MCC: variants seen among roughly 807,000 people sequenced by gnomAD.
MCC encodes the protein MCC regulator of Wnt signaling pathway.
In MCC, 90 loss-of-function variants were observed where a neutral mutation model predicts 116.2. The ratio of observed to expected loss-of-function variants is 0.77; its 90% CI spans 0.65 to 0.92. The LOEUF (loss-of-function observed/expected upper bound fraction) is 0.92. Among genes scored for constraint, MCC ranks in the 40% least tolerant of loss-of-function variants. The probability of loss-of-function intolerance (pLI) is 0.00; values close to 1 mark genes in which losing one functional copy is unlikely to be tolerated. For missense variants in MCC, 1,516 were observed against 1,312.2 expected, an observed-to-expected ratio of 1.16 and a Z score of -2.40; for synonymous variants, 578 against 510.5, an observed-to-expected ratio of 1.13 and a Z score of -1.78.
chr5:113,199,242 C>A (rs1762572956), intron 3 of MCC, among the ~76,000 whole-genome samples: 1 of 151,448 alleles, frequency 6.6e-6, no homozygotes, highest in Non-Finnish European at 1.5e-5. Flanking sequence ...AAGTGTGAAC[C>A]AAGGACCATG....
intron 1 of MCC, among the ~76,000 whole-genome samples, chr5:113,456,160 C>T (rs943681562): frequency 6.6e-6 from 1 of 152,158 alleles, no homozygotes; most frequent in Non-Finnish European, 1.5e-5. Context: ...AGGCACACCA[C>T]CTCAGGACAG....
intron 3 of MCC, among the ~76,000 whole-genome samples, chr5:113,274,723 T>A (rs893388985): frequency 1.3e-5 from 2 of 152,186 alleles, no homozygotes; most frequent in Non-Finnish European, 2.9e-5. Context: ...CTATTTCCCA[T>A]CATTCAAAGG....
intron 5 of MCC, among the ~76,000 whole-genome samples, chr5:113,136,921 C>T (rs1464141150): frequency 6.6e-6 from 1 of 152,168 alleles, no homozygotes; most frequent in East Asian, 1.9e-4. Flanking sequence ...AAGTGGGCAT[C>T]CCTGTCTTAT....
chr5:113,206,864 G>A (rs1762936353), intron 3 of MCC, among the ~76,000 whole-genome samples: 1 of 152,146 alleles, frequency 6.6e-6, no homozygotes, highest in African/African-American at 2.4e-5. Context: ...TCCCTCATTT[G>A]ATCATGACAA....
chr5:113,069,162 T>A (rs1444077834), intron 12 of MCC, among the ~76,000 whole-genome samples: 1 of 152,238 alleles, frequency 6.6e-6, no homozygotes, highest in Non-Finnish European at 1.5e-5. Context: ...TATTGGGCAG[T>A]GCATGTAGAG....
chr5:113,473,608 T>C (rs1370266600), intron 1 of MCC, among the ~76,000 whole-genome samples: 1 of 152,162 alleles, frequency 6.6e-6, no homozygotes, highest in African/African-American at 2.4e-5. Context: ...GTAACAACTA[T>C]AATACAAAAT....
intron 16 of MCC, among the ~76,000 whole-genome samples, chr5:113,046,383 G>C (rs971529926): frequency 6.6e-6 from 1 of 151,814 alleles, no homozygotes; most frequent in Non-Finnish European, 1.5e-5. Flanking sequence ...GTAGAGATGG[G>C]GTTTCACCAT....
At chr5:113,283,037 G>C (rs1030036798) in intron 3 of MCC, among the ~76,000 whole-genome samples, 1 of 152,212 alleles carries the variant, frequency 6.6e-6, no homozygotes. Context: ...TAGAGTTGCT[G>C]GGTGTCGGCC....
chr5:113,086,719 C>T (rs111731692), intron 8 of MCC, among the ~76,000 whole-genome samples: 2,521 of 152,278 alleles, frequency 0.017, 74 homozygotes, highest in African/African-American at 0.058. Flanking sequence ...CAGTGTCTAC[C>T]TGAAAGAGCA....
In MCC at chr5:113,322,318, T is replaced by G. The variant is rs538158765; in HGVS notation, c.627+18201A>C. Among the ~76,000 whole-genome samples the G allele has an allele frequency of 4.6e-5, 7 of 152,364 alleles. No individual in the cohort carries two copies. In the South Asian group the frequency reaches 1.2e-3, roughly 27 times the overall value. On this transcript the variant is annotated intron_variant, in intron 3 of 18. Coordinates refer to ENST00000408903, the MANE Select transcript of MCC (RefSeq NM_001085377.2). Reference sequence around the variant, plus strand: ...CTGCACACTTTTCCTACTTACTGATTATCTAATATGGCTGTACTATAATTT... The same window carrying G: ...CTGCACACTTTTCCTACTTACTGATGATCTAATATGGCTGTACTATAATTT...
intron 3 of MCC, among the ~76,000 whole-genome samples, chr5:113,221,313 G>T (rs1434587931): frequency 2.0e-5 from 3 of 152,206 alleles, no homozygotes; most frequent in African/African-American, 7.2e-5. Flanking sequence ...AAGGAGACCT[G>T]AACTAACCAA....
At chr5:113,400,375 G>A (rs987728471) in intron 1 of MCC, among the ~76,000 whole-genome samples, 1 of 151,816 alleles carries the variant, frequency 6.6e-6, no homozygotes, top group African/African-American at 2.4e-5. Context: ...TGCCTTCCTC[G>A]GCCTCCCAAA....
chr5:113,473,378 G>T (rs912542752), intron 1 of MCC, among the ~76,000 whole-genome samples: 1 of 151,964 alleles, frequency 6.6e-6, no homozygotes, highest in Non-Finnish European at 1.5e-5. Flanking sequence ...GTTTAAATTA[G>T]CTGGGCATGG....
At chr5:113,197,790 G>A (rs1409589735) in intron 3 of MCC, among the ~76,000 whole-genome samples, 1 of 152,234 alleles carries the variant, frequency 6.6e-6, no homozygotes, top group African/African-American at 2.4e-5. Context: ...ATCTGCTCAA[G>A]GTCACAGGGG....
At chr5:113,419,430 C>G (rs1025556245) in intron 1 of MCC, among the ~76,000 whole-genome samples, 1 of 151,738 alleles carries the variant, frequency 6.6e-6, no homozygotes, top group African/African-American at 2.4e-5. Flanking sequence ...CTCCTGGACT[C>G]AAGCAATCCT....
chr5:113,395,650 G>C (rs7702120), intron 1 of MCC, among the ~76,000 whole-genome samples: 95,723 of 152,028 alleles, frequency 0.63, 32,806 homozygotes, highest in African/African-American at 0.91. Flanking sequence ...AATACTGAAG[G>C]CTTCAAAATC....
chr5:113,330,091 T>C (rs548232017), intron 3 of MCC, among the ~76,000 whole-genome samples: 2 of 152,182 alleles, frequency 1.3e-5, no homozygotes, highest in Non-Finnish European at 2.9e-5. Context: ...TTGTAACAAA[T>C]AGCTGAGTCT....
intron 5 of MCC, among the ~76,000 whole-genome samples, chr5:113,125,931 A>T (rs973095824): frequency 3.9e-5 from 6 of 152,230 alleles, no homozygotes; most frequent in African/African-American, 1.4e-4. Flanking sequence ...GAAGAAGAGG[A>T]AAATGTAAAA....
intron 5 of MCC, among the ~76,000 whole-genome samples, chr5:113,142,660 C>T (rs1759248596): frequency 6.8e-6 from 1 of 147,208 alleles, no homozygotes; most frequent in Non-Finnish European, 1.6e-5. Context: ...TTTCCCCCTG[C>T]CTTATGAGTC....
Sources: gnomAD v4.1 joint callset for allele counts (sites outside exome capture counted in the v4.1 genomes callset) on GRCh38, gnomAD v4.1.1 for gene constraint, MANE v1.5 for transcripts, NCBI Gene and HGNC (gene_info 2026-07-23, HGNC 2026-07-21) for gene names.